DAB1: variants seen among roughly 807,000 people sequenced by gnomAD.
DAB1 encodes the protein DAB adaptor protein 1.
Under a neutral mutation model 64.6 loss-of-function variants are expected in DAB1, and 15 were observed. The observed-to-expected ratio is 0.23, with a 90% CI of 0.16 to 0.36. The LOEUF (loss-of-function observed/expected upper bound fraction) is 0.36. Ranked by LOEUF, DAB1 falls within the 10% of genes least tolerant of loss-of-function variation. The probability of loss-of-function intolerance (pLI) is 1.00; values close to 1 mark genes in which losing one functional copy is unlikely to be tolerated. For missense variants in DAB1, 596 were observed against 706.7 expected (o/e 0.84, Z 1.78); for synonymous variants, 235 against 251.9 (o/e 0.93, Z 0.64).
intron 14 of DAB1, among the ~76,000 whole-genome samples, chr1:57,008,483 T>C (rs913244953): frequency 6.6e-6 from 1 of 152,208 alleles, no homozygotes; most frequent in Non-Finnish European, 1.5e-5. Context: ...TATTAGGTGC[T>C]TTCTATGTGC....
At chr1:58,196,600 C>T (rs1250523311) in intron 4 of DAB1, among the ~76,000 whole-genome samples, 1 of 152,138 alleles carries the variant, frequency 6.6e-6, no homozygotes, top group African/African-American at 2.4e-5. Flanking sequence ...CTCACAGTCC[C>T]ACATGGCTGG....
chr1:58,395,771 C>T (rs572881995), intron 3 of DAB1, among the ~76,000 whole-genome samples: 1 of 152,238 alleles, frequency 6.6e-6, no homozygotes, highest in East Asian at 1.9e-4. Flanking sequence ...TACTGTGTTG[C>T]CACACACACT....
intron 5 of DAB1, among the ~76,000 whole-genome samples, chr1:58,026,608 T>G (rs1017430419): frequency 1.3e-5 from 2 of 152,222 alleles, no homozygotes; most frequent in Non-Finnish European, 2.9e-5. Context: ...ACTCCTGATT[T>G]ATGGGTGCAA....
At chr1:58,264,734 G>C (rs923476127) in intron 4 of DAB1, among the ~76,000 whole-genome samples, 1 of 152,162 alleles carries the variant, frequency 6.6e-6, no homozygotes, top group Non-Finnish European at 1.5e-5. Flanking sequence ...TTTTGGGTGA[G>C]AACTAATCAC....
chr1:58,170,249 T>G lies in DAB1; in HGVS notation n.310-19661A>C, dbSNP rs1407011703. Among the ~76,000 whole-genome samples, 2 of 152,112 alleles carry G rather than the reference T, an allele frequency of 1.3e-5. 1 individual carries two copies. Among genetic ancestry groups the G allele is most frequent in the South Asian group, 4.1e-4 (2 of 4,828 alleles). On this transcript the variant is annotated intron_variant and non_coding_transcript_variant, in intron 4 of 20. Coordinates refer to the DAB1 transcript ENST00000485760. Reference sequence around the variant, plus strand: ...CTGTGGACCTGTGTTCTAGAAGGACTAAGGAGAATTAGGAAAAAGCCCAAG... The same window carrying G: ...CTGTGGACCTGTGTTCTAGAAGGACGAAGGAGAATTAGGAAAAAGCCCAAG...
intron 1 of DAB1, among the ~76,000 whole-genome samples, chr1:57,353,381 C>T (rs1312310810): frequency 1.3e-5 from 2 of 152,078 alleles, no homozygotes; most frequent in South Asian, 2.1e-4. Flanking sequence ...GTTTTCCATT[C>T]CTTGTTAGTC....
upstream of DAB1, among the ~76,000 whole-genome samples, chr1:57,424,983 T>A (rs1011711112): frequency 6.6e-6 from 1 of 152,168 alleles, no homozygotes; most frequent in Non-Finnish European, 1.5e-5. Flanking sequence ...AGTCAGTTGC[T>A]CCTTGCTTAG....
intron 5 of DAB1, among the ~76,000 whole-genome samples, chr1:57,977,062 A>T (rs1000172037): frequency 1.3e-5 from 2 of 151,566 alleles, no homozygotes; most frequent in Non-Finnish European, 2.9e-5. Flanking sequence ...TTTGCTCCAA[A>T]CTCTTCCATG....
chr1:57,844,915 T>C (rs188432304), intron 1 of DAB1, among the ~76,000 whole-genome samples: 14 of 152,214 alleles, frequency 9.2e-5, no homozygotes, highest in Non-Finnish European at 1.8e-4. Flanking sequence ...GCCTTGGAAA[T>C]GGCAATAGCT....
chr1:57,093,346 A>C (rs527413057), intron 4 of DAB1, among the ~76,000 whole-genome samples: 2 of 152,342 alleles, frequency 1.3e-5, no homozygotes, highest in East Asian at 3.9e-4. Flanking sequence ...ACACATCACC[A>C]TATAAGGCAA....
At chr1:57,738,582 G>C (rs1473797502) in intron 6 of DAB1, among the ~76,000 whole-genome samples, 1 of 152,032 alleles carries the variant, frequency 6.6e-6, no homozygotes, top group East Asian at 1.9e-4. Context: ...AGTCCAAACA[G>C]TGGGGTGAGT....
intron 4 of DAB1, among the ~76,000 whole-genome samples, chr1:58,185,477 CT>C (rs1657024751): frequency 6.6e-6 from 1 of 152,212 alleles, no homozygotes; most frequent in African/African-American, 2.4e-5. Context: ...GTTCAGGAAC[CT>C]GGAAGGCTTT....
At chr1:58,025,117 T>TCACA (rs144729175) in intron 5 of DAB1, among the ~76,000 whole-genome samples, 7 of 148,960 alleles carry the variant, frequency 4.7e-5, no homozygotes, top group African/African-American at 1.2e-4. Context: ...TTTCACACAC[T>TCACA]CACACACACA....
intron 6 of DAB1, among the ~76,000 whole-genome samples, chr1:57,804,384 C>T (rs1009701972): frequency 5.3e-5 from 8 of 152,144 alleles, no homozygotes; most frequent in Non-Finnish European, 1.2e-4. Context: ...CCCTTTGGAG[C>T]TCAGCAAATG....
intron 1 of DAB1, among the ~76,000 whole-genome samples, chr1:57,394,193 C>A (rs1286208627): frequency 6.6e-6 from 1 of 152,214 alleles, no homozygotes; most frequent in Non-Finnish European, 1.5e-5. Flanking sequence ...TTGTTCAAAG[C>A]AATCTTTTCC....
chr1:58,374,538 T>C (rs1644304159), intron 3 of DAB1, among the ~76,000 whole-genome samples: 1 of 150,748 alleles, frequency 6.6e-6, no homozygotes. Flanking sequence ...CATTGATCTA[T>C]ATCTCTGTTT....
chr1:58,355,880 G>A (rs1385515141), intron 3 of DAB1, among the ~76,000 whole-genome samples: 1 of 152,160 alleles, frequency 6.6e-6, no homozygotes, highest in African/African-American at 2.4e-5. Flanking sequence ...GCATGGGTCT[G>A]ATCAGCTGTA....
chr1:57,713,195 C>T (rs909452433), intron 6 of DAB1, among the ~76,000 whole-genome samples: 1 of 152,116 alleles, frequency 6.6e-6, no homozygotes, highest in Non-Finnish European at 1.5e-5. Flanking sequence ...CTAACATGAG[C>T]CCCAAATAAG....
At chr1:57,805,685 A>G (rs1259233513) in intron 6 of DAB1, among the ~76,000 whole-genome samples, 4 of 152,188 alleles carry the variant, frequency 2.6e-5, no homozygotes, top group African/African-American at 9.7e-5. Flanking sequence ...TGGATATCCA[A>G]TAGGCATCTC....
Sources: gnomAD v4.1 joint callset for allele counts (sites outside exome capture counted in the v4.1 genomes callset) on GRCh38, gnomAD v4.1.1 for gene constraint, MANE v1.5 for transcripts, NCBI Gene and HGNC (gene_info 2026-07-23, HGNC 2026-07-21) for gene names.